The following GRIN2B variants were observed in gnomAD, a reference collection of about 807,000 sequenced individuals.
GRIN2B encodes glutamate ionotropic receptor NMDA type subunit 2B, also known as glutamate receptor ionotropic, NMDA 2B.
GRIN2B carries 5 observed loss-of-function variants against 114.5 expected under a neutral mutation model. The observed-to-expected ratio is 0.04, with a 90% CI of 0.02 to 0.09. The LOEUF (loss-of-function observed/expected upper bound fraction) is 0.09. Ranked by LOEUF, GRIN2B falls within the 10% of genes least tolerant of loss-of-function variation. GRIN2B has a pLI of 1.00. For missense variants in GRIN2B, 1,108 were observed against 1,943.5 expected, an observed-to-expected ratio of 0.57 and a Z score of 8.08; for synonymous variants, 787 against 745.1, an observed-to-expected ratio of 1.06 and a Z score of -0.92.
At chr12:13,932,988 CGTGT>C (rs1297911830) in intron 2 of GRIN2B, among the ~76,000 whole-genome samples, 1 of 91,064 alleles carries the variant, frequency 1.1e-5, no homozygotes, top group Non-Finnish European at 2.5e-5. Context: ...TGTGTGTGTG[CGTGT>C]GCGTGTGTGT....
chr12:13,607,377 T>TATATTATATATAATATATAAA (rs1949287461), intron 10 of GRIN2B, among the ~76,000 whole-genome samples: 10 of 26,194 alleles, frequency 3.8e-4, no homozygotes, highest in African/African-American at 6.6e-4. Context: ...TTATATATTA[T>TATATTATATATAATATATAAA]ATATATAATA....
chr12:13,922,521 T>C (rs1866841469), intron 2 of GRIN2B, among the ~76,000 whole-genome samples: 1 of 152,176 alleles, frequency 6.6e-6, no homozygotes, highest in South Asian at 2.1e-4. Flanking sequence ...TGGGCAAGAC[T>C]GTAAAACTCA....
At chr12:13,631,353 A>G (rs1037329085) in intron 5 of GRIN2B, among the ~76,000 whole-genome samples, 5 of 152,172 alleles carry the variant, frequency 3.3e-5, no homozygotes, top group Non-Finnish European at 7.3e-5. Flanking sequence ...ATAAACTTGC[A>G]GAGACTGATT....
rs200309708 is a variant in GRIN2B, at chr12:13,615,076, T to C, written c.1654+38A>G. ...TTTCCTTATTTCACTTCCCCATCCA[T>C]ACGTCCATTTCCTTCCACCAGCAAA... On this transcript the variant is annotated intron_variant, in intron 8 of 13. Coordinates refer to ENST00000609686, the MANE Select transcript of GRIN2B (RefSeq NM_000834.5). The surrounding 1 kb of genome is among the most constrained non-coding windows in gnomAD (Gnocchi z 5.8). The C allele has an allele frequency of 7.6e-6, 12 of 1,572,464 alleles. No homozygotes were observed. Among genetic ancestry groups the C allele is most frequent in the Non-Finnish European group, 9.6e-6 (11 of 1,142,064 alleles).
chr12:13,959,327 C>T (rs1187684650), intron 2 of GRIN2B, among the ~76,000 whole-genome samples: 1 of 152,174 alleles, frequency 6.6e-6, no homozygotes, highest in African/African-American at 2.4e-5. Context: ...CAAAGGCAGG[C>T]AGCCGCCAGG....
At chr12:13,839,251 C>A (rs1865337671) in intron 3 of GRIN2B, among the ~76,000 whole-genome samples, 1 of 152,196 alleles carries the variant, frequency 6.6e-6, no homozygotes, top group Non-Finnish European at 1.5e-5. Context: ...GCATAACATG[C>A]AGAGACATCC....
At position 13,543,995 on chromosome 12, in the gene GRIN2B, T is replaced by A. The variant is rs1948314511; in HGVS notation, c.*18788A>T. Reference sequence around the variant, plus strand: ...AATTGTCCTCTCTCCCTAGGCATCATCAATTTTTCCTTTCTCCTGGATTAG... The same window carrying A: ...AATTGTCCTCTCTCCCTAGGCATCAACAATTTTTCCTTTCTCCTGGATTAG... On this transcript the variant is annotated 3_prime_UTR_variant, in exon 14 of 14. Coordinates refer to ENST00000609686, the MANE Select transcript of GRIN2B (RefSeq NM_000834.5). The A allele has an allele frequency of 2.0e-5, 3 of 152,194 alleles. No homozygotes were observed. The highest frequency in any genetic ancestry group is 4.4e-5 in the Non-Finnish European group (3 of 68,034). 9.4% of individuals were successfully genotyped at this position (152,194 alleles called of 1,614,324 possible).
chr12:13,610,341 G>A lies in GRIN2B; in HGVS notation c.1780+1384C>T, dbSNP rs1158720942. On this transcript the variant is annotated intron_variant, in intron 9 of 13. Coordinates refer to ENST00000609686, the MANE Select transcript of GRIN2B (RefSeq NM_000834.5). ...GAGTAATTGTAAGCCCTCGCTCTGA[G>A]CTTTCTTTGCAAATCTGGATTTTCG... 2.0e-5 allele frequency among the ~76,000 whole-genome samples: 3 copies of A among 152,222 alleles called. 1 individual carries two copies. The highest frequency in any genetic ancestry group is 2.0e-4 in the Admixed American group (3 of 15,284).
chr12:13,839,040 A>T (rs557089719), intron 3 of GRIN2B, among the ~76,000 whole-genome samples: 18 of 151,878 alleles, frequency 1.2e-4, no homozygotes, highest in African/African-American at 4.1e-4. Flanking sequence ...TCACCCATTC[A>T]CTCTGCCAAC....
At chr12:13,737,250 T>C (rs761971267) in intron 4 of GRIN2B, among the ~76,000 whole-genome samples, 2 of 151,886 alleles carry the variant, frequency 1.3e-5, no homozygotes, top group African/African-American at 4.8e-5. Context: ...CTCTCTCTAT[T>C]GCCCAGGCTG....
chr12:13,620,895 GA>G (rs891909068), intron 5 of GRIN2B, among the ~76,000 whole-genome samples: 4 of 140,142 alleles, frequency 2.9e-5, no homozygotes, highest in South Asian at 2.4e-4. Flanking sequence ...TCAAGGAAAT[GA>G]AAAAAAAATA....
intron 2 of GRIN2B, among the ~76,000 whole-genome samples, chr12:13,945,474 C>T (rs1420596135): frequency 6.6e-6 from 1 of 152,136 alleles, no homozygotes; most frequent in African/African-American, 2.4e-5. Context: ...AGCTACCTAC[C>T]GCTGTTGATA....
chr12:13,918,955 A>T (rs544261823), intron 2 of GRIN2B, among the ~76,000 whole-genome samples: 2 of 152,282 alleles, frequency 1.3e-5, no homozygotes, highest in African/African-American at 4.8e-5. Context: ...ACTTATTTTC[A>T]TTTACTTCAT....
chr12:13,692,797 TTGCTC>T, intron 4 of GRIN2B, among the ~76,000 whole-genome samples: 1 of 139,562 alleles, frequency 7.2e-6, no homozygotes, highest in Non-Finnish European at 1.5e-5. Context: ...AGGCAGAGTT[TTGCTC>T]TTGTTGCCCA....
intron 2 of GRIN2B, among the ~76,000 whole-genome samples, chr12:13,898,241 C>A (rs1401491381): frequency 6.6e-6 from 1 of 152,088 alleles, no homozygotes; most frequent in African/African-American, 2.4e-5. Flanking sequence ...GTCATTATTT[C>A]TATCTAGCTT....
chr12:13,605,120 T>C (rs1459863684), intron 10 of GRIN2B, among the ~76,000 whole-genome samples: 1 of 152,006 alleles, frequency 6.6e-6, no homozygotes, highest in Non-Finnish European at 1.5e-5. Flanking sequence ...ATTGACTTTG[T>C]GGAGTTCAGG....
chr12:13,600,091 G>A (rs941411802), intron 10 of GRIN2B, among the ~76,000 whole-genome samples: 27 of 152,180 alleles, frequency 1.8e-4, no homozygotes, highest in African/African-American at 4.6e-4. Context: ...TTAAAAAGTC[G>A]TAGTTCCAGG....
chr12:13,954,141 G>A lies in GRIN2B; in HGVS notation c.-19+25787C>T, dbSNP rs1042123337. On this transcript the variant is annotated intron_variant, in intron 2 of 13. Transcript: ENST00000609686. ...GCCACACAATGAGTTGTCCTCTTTG[G>A]TGCTAACATTCTGTGATTCTATCTT... Among the ~76,000 whole-genome samples the A allele has an allele frequency of 9.9e-5, 15 of 152,150 alleles. 1 individual carries two copies. The highest frequency in any genetic ancestry group is 5.9e-4 in the Admixed American group (9 of 15,278).
At chr12:13,830,454 G>C (rs761384165) in intron 3 of GRIN2B, among the ~76,000 whole-genome samples, 2 of 152,180 alleles carry the variant, frequency 1.3e-5, no homozygotes, top group African/African-American at 4.8e-5. Context: ...GAACATGAGA[G>C]TCATAGAGAA....
Sources: allele counts gnomAD v4.1 joint callset (sites outside exome capture counted in the v4.1 genomes callset), GRCh38; gene constraint gnomAD v4.1.1; non-coding constraint Gnocchi (gnomAD v3.1); transcripts MANE v1.5; gene names NCBI Gene and HGNC (gene_info 2026-07-23, HGNC 2026-07-21).